RCBTB1: variants seen among roughly 807,000 people sequenced by gnomAD.
The protein encoded by RCBTB1 is RCC1 and BTB domain containing protein 1.
In RCBTB1, 46 loss-of-function variants were observed where a neutral mutation model predicts 62.4. That is an observed-to-expected ratio of 0.74 (90% CI 0.58 to 0.94). The LOEUF is 0.94. Ranked by LOEUF, RCBTB1 falls within the 40% of genes least tolerant of loss-of-function variation. The probability of loss-of-function intolerance (pLI) is 0.00; values close to 1 mark genes in which losing one functional copy is unlikely to be tolerated. For synonymous variants in RCBTB1, 222 were observed against 245.8 expected (o/e 0.90, Z 0.91); for missense variants, 565 against 654.9 (o/e 0.86, Z 1.50).
rs202230217 is a variant in RCBTB1 at position 49,562,773 on chromosome 13, C to CA, written c.278-2690_278-2689insT. Among the ~76,000 whole-genome samples the CA allele has an allele frequency of 6.1e-5, 6 of 98,124 alleles. 1 individual carries two copies. Among genetic ancestry groups the CA allele is most frequent in the Non-Finnish European group, 1.8e-5 (1 of 55,574 alleles). The allele number at this position is 98,124 out of a possible 152,430, so 64.4% of individuals were successfully genotyped here. On this transcript the variant is annotated intron_variant, in intron 4 of 12. Transcript: ENST00000378302. The stretch of plus-strand genomic sequence containing the variant: ...GACTACAGGTGCGTGCCACCATCCC[C>CA]GGCTTTTTTTTTTTTTTTTTTTTTT...
intron 4 of RCBTB1, among the ~76,000 whole-genome samples, chr13:49,564,478 C>A (rs1486885956): frequency 6.9e-6 from 1 of 145,412 alleles, no homozygotes; most frequent in Non-Finnish European, 1.5e-5. Flanking sequence ...CTCAGCTACT[C>A]GGGAGGTTGA....
At chr13:49,557,860 A>T (rs1962069322) in intron 5 of RCBTB1, among the ~76,000 whole-genome samples, 1 of 152,204 alleles carries the variant, frequency 6.6e-6, no homozygotes, top group Non-Finnish European at 1.5e-5. Context: ...CACTCCCACA[A>T]GGTTTTTAGC....
chr13:49,569,399 C>A (rs1963243529), intron 2 of RCBTB1, among the ~76,000 whole-genome samples: 2 of 150,798 alleles, frequency 1.3e-5, no homozygotes, highest in Admixed American at 1.3e-4. Context: ...CATGGCGAAA[C>A]CCCATTTCTA....
intron 10 of RCBTB1, 58 bp downstream of exon 10, chr13:49,544,678 TG>T: frequency 1.4e-6 from 2 of 1,444,302 alleles, no homozygotes; most frequent in Non-Finnish European, 9.5e-7. Flanking sequence ...ACTCATTTTG[TG>T]GAATAACAAA....
At chr13:49,557,647 C>A (rs560308787) in intron 5 of RCBTB1, among the ~76,000 whole-genome samples, 1 of 152,042 alleles carries the variant, frequency 6.6e-6, no homozygotes, top group African/African-American at 2.4e-5. Flanking sequence ...AGGTTGGGTG[C>A]GGTAGCTCAC....
intron 7 of RCBTB1, 78 bp downstream of exon 7, chr13:49,552,100 G>A (rs1356203440): frequency 2.2e-6 from 2 of 903,938 alleles, no homozygotes; most frequent in Non-Finnish European, 3.6e-6. Flanking sequence ...TGACTGAAGA[G>A]TAAACCTCCA....
At chr13:49,566,080 A>T (rs1183717270) in intron 4 of RCBTB1, among the ~76,000 whole-genome samples, 1 of 150,540 alleles carries the variant, frequency 6.6e-6, no homozygotes. Context: ...GTTAAGAGTC[A>T]TCACCACTCC....
chr13:49,549,352 G>T (rs1322671508), intron 9 of RCBTB1, 106 bp downstream of exon 9: 7 of 1,052,450 alleles, frequency 6.7e-6, no homozygotes, highest in Non-Finnish European at 8.2e-6. Context: ...AAAGCTAATA[G>T]AGAATAAAAC....
intron 2 of RCBTB1, among the ~76,000 whole-genome samples, chr13:49,577,381 T>C (rs111986875): frequency 8.9e-4 from 135 of 152,232 alleles, no homozygotes; most frequent in African/African-American, 3.1e-3. Flanking sequence ...CAACAGGAAA[T>C]GGAGAGAAAT....
intron 2 of RCBTB1, among the ~76,000 whole-genome samples, chr13:49,570,499 G>A (rs1418261745): frequency 6.6e-6 from 1 of 152,202 alleles, no homozygotes; most frequent in African/African-American, 2.4e-5. Context: ...AGAGTGCTGA[G>A]GCCTGTGTCC....
intron 10 of RCBTB1, among the ~76,000 whole-genome samples, chr13:49,543,901 G>A (rs1960592434): frequency 6.6e-6 from 1 of 152,008 alleles, no homozygotes; most frequent in Non-Finnish European, 1.5e-5. Context: ...TGCCTAGGCT[G>A]GTCTCAGACT....
At chr13:49,565,504 C>T (rs1380636737) in intron 4 of RCBTB1, among the ~76,000 whole-genome samples, 3 of 150,722 alleles carry the variant, frequency 2.0e-5, no homozygotes, top group Non-Finnish European at 4.4e-5. Context: ...AGCCCCTCTG[C>T]CCGGCTGCCC....
intron 2 of RCBTB1, among the ~76,000 whole-genome samples, chr13:49,568,959 A>G (rs899637736): frequency 1.3e-5 from 2 of 152,216 alleles, no homozygotes; most frequent in South Asian, 4.1e-4. Flanking sequence ...GAATAATTGC[A>G]ACAATAACAA....
intron 2 of RCBTB1, among the ~76,000 whole-genome samples, chr13:49,578,900 T>C (rs543103942): frequency 2.8e-4 from 43 of 152,324 alleles, no homozygotes; most frequent in Middle Eastern, 6.8e-3. Context: ...ATCCATTTAA[T>C]TCCAGAAAAA....
intron 4 of RCBTB1, among the ~76,000 whole-genome samples, chr13:49,563,665 A>T (rs1162088597): frequency 6.6e-6 from 1 of 152,256 alleles, no homozygotes; most frequent in African/African-American, 2.4e-5. Flanking sequence ...TCAAAAGAAA[A>T]AAAAGGAAAG....
intron 6 of RCBTB1, among the ~76,000 whole-genome samples, chr13:49,552,878 G>C (rs1003829925): frequency 5.3e-5 from 8 of 152,076 alleles, no homozygotes; most frequent in Admixed American, 2.6e-4. Context: ...AACTGCGGTA[G>C]TGGTAGTAGA....
chr13:49,551,280 G>C (rs1566231230), intron 8 of RCBTB1, 46 bp downstream of exon 8: 9 of 1,604,694 alleles, frequency 5.6e-6, no homozygotes, highest in Non-Finnish European at 7.7e-6. Context: ...ACAGCCCCAA[G>C]GCCACATCGC....
chr13:49,553,317 T>A (rs1961538788), intron 6 of RCBTB1, among the ~76,000 whole-genome samples: 1 of 152,188 alleles, frequency 6.6e-6, no homozygotes, highest in African/African-American at 2.4e-5. Flanking sequence ...GTATGAAAGA[T>A]GATGGAGCAT....
chr13:49,552,280 A>G lies in RCBTB1; in HGVS notation c.609T>C (p.Tyr203=). ...GACCGTTGCCATTGTAACCCCAGCC[A>G]TATACCTTAGAGAGGACAGAAGGGA... ...SMAVLDNGEV[Y]GWGYNGNGQL... The change falls in exon 7 of 13, where the codon TAT becomes TAC. Residue 203 remains tyrosine (Y), a synonymous_variant. Transcript: ENST00000378302. The G allele has an allele frequency of 1.3e-6, 2 of 1,595,682 alleles. No homozygotes were observed. The highest frequency in any genetic ancestry group is 1.7e-6 in the Non-Finnish European group (2 of 1,168,278).
Sources: allele counts gnomAD v4.1 joint callset (sites outside exome capture counted in the v4.1 genomes callset), GRCh38; gene constraint gnomAD v4.1.1; transcripts MANE v1.5; gene names NCBI Gene and HGNC (gene_info 2026-07-23, HGNC 2026-07-21).